Variants in SNX4 observed in about 807,000 individuals in gnomAD.
The protein encoded by SNX4 is sorting nexin-4.
A neutral mutation model predicts 70.8 loss-of-function variants in SNX4; 49 were observed. That is an observed-to-expected ratio of 0.69 (90% CI 0.55 to 0.88). The LOEUF is 0.88. Ranked by LOEUF, SNX4 falls within the 40% of genes least tolerant of loss-of-function variation. SNX4 has a pLI of 0.00. For synonymous variants in SNX4, 206 were observed against 183.8 expected (o/e 1.12, Z -0.98); for missense variants, 528 against 544.8 (o/e 0.97, Z 0.31).
Position 125,475,769 on chromosome 3 carries a change from G to T in SNX4, c.788+926C>A, listed in dbSNP as rs1579987668. On this transcript the variant is annotated intron_variant, in intron 8 of 13. Coordinates refer to ENST00000251775, the MANE Select transcript of SNX4 (RefSeq NM_003794.4). The stretch of plus-strand genomic sequence containing the variant: ...AAGCCAATGGATCACCTGAGCTCAG[G>T]AGGTCAAGATCAGCCTGGGCAACAT... Among the ~76,000 whole-genome samples, 3 of 152,314 alleles carry T rather than the reference G, an allele frequency of 2.0e-5. No individual in the cohort carries two copies. The East Asian group carries it at 5.8e-4, about 29-fold the overall frequency.
At position 125,504,606 on chromosome 3, in the gene SNX4, T is replaced by C. The variant is rs767640753; in HGVS notation, c.263+17A>G. 2 of 1,607,556 alleles carry C rather than the reference T, an allele frequency of 1.2e-6. No homozygotes were observed. The highest frequency in any genetic ancestry group is 2.7e-5 in the African/African-American group (2 of 74,742). On this transcript the variant is annotated intron_variant, in intron 2 of 13. Transcript: ENST00000251775. ...AGCTTTCTGTCTACCTGCCCAGGTG[T>C]AATTTCTGTTACCCACCTTGTTTCA...
intron 13 of SNX4, chr3:125,449,308 T>A (rs889411325): frequency 1.3e-5 from 2 of 151,590 alleles, no homozygotes; most frequent in African/African-American, 4.9e-5. Flanking sequence ...TGTAATCCCA[T>A]CTACTCGGCT....
intron 6 of SNX4, among the ~76,000 whole-genome samples, chr3:125,486,145 A>G (rs527571038): frequency 6.6e-6 from 1 of 152,156 alleles, no homozygotes; most frequent in Non-Finnish European, 1.5e-5. Context: ...GGCCTCTGTA[A>G]GCATTCTTAA....
At chr3:125,476,601 T>C in intron 8 of SNX4, 94 bp downstream of exon 8, 1 of 781,672 alleles carries the variant, frequency 1.3e-6, no homozygotes. Flanking sequence ...AAAGAAATAA[T>C]CTTCTCTCCA....
chr3:125,493,653 C>CA (rs145292055), intron 5 of SNX4, among the ~76,000 whole-genome samples: 3,391 of 117,194 alleles, frequency 0.029, 116 homozygotes, highest in African/African-American at 0.097. Context: ...GACTCCGTGT[C>CA]AAAAAAAAAA....
rs376021393 is a variant in SNX4 at position 125,451,090 on chromosome 3, A to AC, written c.1305+214dup. On this transcript the variant is annotated intron_variant, in intron 13 of 13. Transcript: ENST00000251775. ...AGACCAGCCTGGGCAACATAGCGAG[A>AC]CCCCCCCATATCTATTTTTTAAATA... 3.6e-3 allele frequency among the ~76,000 whole-genome samples: 548 copies of AC among 152,022 alleles called. 3 individuals are homozygous for AC. The highest frequency in any genetic ancestry group is 8.7e-3 in the African/African-American group (361 of 41,472).
At position 125,493,828 on chromosome 3, in the gene SNX4, G is replaced by A. The variant is rs543165221; in HGVS notation, c.597+3513C>T. On this transcript the variant is annotated intron_variant, in intron 5 of 13. Transcript: ENST00000251775. ...GGGCAGATCACAAGGTCAGGAGATC[G>A]AGACCATCCTGGCTAACATGGTGAA... 2.1e-4 allele frequency among the ~76,000 whole-genome samples: 31 copies of A among 150,124 alleles called. 1 individual carries two copies. The highest frequency in any genetic ancestry group is 1.5e-3 in the Admixed American group (22 of 15,044).
chr3:125,479,179 T>C lies in SNX4; in HGVS notation c.726+1068A>G, dbSNP rs559428546. 6.6e-5 allele frequency among the ~76,000 whole-genome samples: 10 copies of C among 152,240 alleles called. 1 individual carries two copies. The South Asian group carries it at 2.1e-3, about 32-fold the overall frequency. On this transcript the variant is annotated intron_variant, in intron 7 of 13. Transcript: ENST00000251775. ...AGTAATTACTATATAGCCAAACTCATTTCTCCTAAAACTGCCCCCACTCTC... is the reference window on the plus strand; with the variant it reads ...AGTAATTACTATATAGCCAAACTCACTTCTCCTAAAACTGCCCCCACTCTC...
At chr3:125,484,501 C>T (rs1579993409) in intron 6 of SNX4, among the ~76,000 whole-genome samples, 1 of 152,110 alleles carries the variant, frequency 6.6e-6, no homozygotes, top group East Asian at 1.9e-4. Flanking sequence ...GTGATCTGCC[C>T]ACCTTGGCCT....
chr3:125,482,575 A>G (rs908857602), intron 6 of SNX4, among the ~76,000 whole-genome samples: 3 of 151,160 alleles, frequency 2.0e-5, no homozygotes, highest in Admixed American at 6.6e-5. Flanking sequence ...TCTACTGTCC[A>G]CTCTGCTTGG....
At chr3:125,496,185 T>C (rs1934790062) in intron 5 of SNX4, among the ~76,000 whole-genome samples, 1 of 152,124 alleles carries the variant, frequency 6.6e-6, no homozygotes, top group African/African-American at 2.4e-5. Flanking sequence ...TCTCAGCTAC[T>C]TGGGAGGCTG....
At chr3:125,479,771 A>G (rs1050501766) in intron 7 of SNX4, among the ~76,000 whole-genome samples, 2 of 152,168 alleles carry the variant, frequency 1.3e-5, no homozygotes, top group African/African-American at 4.8e-5. Context: ...TGCCTATTAC[A>G]GCTGAACTAT....
chr3:125,461,745 T>G (rs1361895853), intron 9 of SNX4, among the ~76,000 whole-genome samples: 1 of 151,854 alleles, frequency 6.6e-6, no homozygotes, highest in Non-Finnish European at 1.5e-5. Context: ...CACTGCAAGC[T>G]CTGCCTCCCG....
chr3:125,517,800 A>AC (rs552905659), intron 1 of SNX4, among the ~76,000 whole-genome samples: 25 of 151,946 alleles, frequency 1.6e-4, no homozygotes, highest in Admixed American at 1.1e-3. Flanking sequence ...ACATGATGAA[A>AC]CCCCAACTCT....
chr3:125,455,560 G>T (rs1933690057), intron 11 of SNX4, among the ~76,000 whole-genome samples: 1 of 152,126 alleles, frequency 6.6e-6, no homozygotes, highest in Non-Finnish European at 1.5e-5. Context: ...AGAGAACCAA[G>T]CTCCCTGAAA....
intron 1 of SNX4, among the ~76,000 whole-genome samples, chr3:125,516,538 C>G (rs938435587): frequency 1.3e-5 from 2 of 152,140 alleles, no homozygotes; most frequent in Non-Finnish European, 2.9e-5. Flanking sequence ...CTCTTAAAAT[C>G]TGCAGTCAAA....
intron 9 of SNX4, among the ~76,000 whole-genome samples, chr3:125,468,307 G>A (rs544885462): frequency 6.6e-6 from 1 of 152,312 alleles, no homozygotes; most frequent in African/African-American, 2.4e-5. Flanking sequence ...AGCTTACTGG[G>A]TGATGAAATG....
chr3:125,469,621 A>C (rs1559813500), intron 8 of SNX4, 102 bp from the exon 9 acceptor site: 5 of 793,704 alleles, frequency 6.3e-6, no homozygotes, highest in South Asian at 6.2e-5. Context: ...CTTTAAAATA[A>C]TGTATAGCAC....
Position 125,474,890 on chromosome 3 carries a change from A to C in SNX4, c.788+1805T>G, listed in dbSNP as rs193042760. Among the ~76,000 whole-genome samples the C allele has an allele frequency of 1.8e-3, 272 of 152,266 alleles. 1 individual carries two copies. Among genetic ancestry groups the C allele is most frequent in the Middle Eastern group, 0.017 (5 of 294 alleles). On this transcript the variant is annotated intron_variant, in intron 8 of 13. Transcript: ENST00000251775. ...ATATAATTTTTGTTTTTAAATAAGCATTGTTCCCAAGCTTAATTGGGTTCC... is the reference window on the plus strand; with the variant it reads ...ATATAATTTTTGTTTTTAAATAAGCCTTGTTCCCAAGCTTAATTGGGTTCC...
Sources: gnomAD v4.1 joint callset for allele counts (sites outside exome capture counted in the v4.1 genomes callset) on GRCh38, gnomAD v4.1.1 for gene constraint, MANE v1.5 for transcripts, NCBI Gene and HGNC (gene_info 2026-07-23, HGNC 2026-07-21) for gene names.